Variants in RALGAPA1 observed in about 807,000 individuals in gnomAD.
The protein encoded by RALGAPA1 is ral GTPase-activating protein subunit alpha-1.
In RALGAPA1, 52 loss-of-function variants were observed where a neutral mutation model predicts 269.6. The observed-to-expected ratio is 0.19, with a 90% CI of 0.15 to 0.24. The LOEUF (loss-of-function observed/expected upper bound fraction) is 0.24. RALGAPA1 is among the 10% of genes least tolerant of loss of function. The pLI is 1.00. For missense variants in RALGAPA1, 1,917 were observed against 3,013.9 expected (o/e 0.64, Z 8.52); for synonymous variants, 817 against 1,008.3 (o/e 0.81, Z 3.60).
chr14:35,623,829 C>T (rs1279019255), intron 35 of RALGAPA1, among the ~76,000 whole-genome samples: 1 of 152,148 alleles, frequency 6.6e-6, no homozygotes, highest in Admixed American at 6.5e-5. Context: ...CCTGTAATCC[C>T]AGCACTTTGG....
intron 1 of RALGAPA1, among the ~76,000 whole-genome samples, chr14:35,784,598 T>C (rs1227367725): frequency 1.3e-5 from 2 of 152,172 alleles, no homozygotes; most frequent in African/African-American, 4.8e-5. Context: ...AGACCCTACC[T>C]GGCTAACTGA....
At chr14:35,616,774 A>C (rs570777758) in intron 35 of RALGAPA1, among the ~76,000 whole-genome samples, 1 of 152,234 alleles carries the variant, frequency 6.6e-6, no homozygotes, top group South Asian at 2.1e-4. Flanking sequence ...AAAGAACTTT[A>C]GACTTGATGG....
At chr14:35,749,302 A>G (rs2072452272) in intron 9 of RALGAPA1, among the ~76,000 whole-genome samples, 1 of 152,240 alleles carries the variant, frequency 6.6e-6, no homozygotes, top group Non-Finnish European at 1.5e-5. Flanking sequence ...ACAAAGGAAC[A>G]AAATTTATGA....
intron 36 of RALGAPA1, among the ~76,000 whole-genome samples, chr14:35,599,052 A>G (rs1258501223): frequency 6.6e-6 from 1 of 152,098 alleles, no homozygotes; most frequent in African/African-American, 2.4e-5. Flanking sequence ...ATCACAGCCT[A>G]CTAGTGTTGT....
At chr14:35,776,150 G>A (rs1024797096) in intron 1 of RALGAPA1, among the ~76,000 whole-genome samples, 1 of 152,186 alleles carries the variant, frequency 6.6e-6, no homozygotes, top group Non-Finnish European at 1.5e-5. Context: ...GGGAGGCCAA[G>A]GTGGGCAGAT....
chr14:35,553,149 GAC>G (rs1374360708), intron 39 of RALGAPA1, among the ~76,000 whole-genome samples: 3 of 152,294 alleles, frequency 2.0e-5, no homozygotes, highest in Admixed American at 2.0e-4. Flanking sequence ...AAAGTGCCCT[GAC>G]ACCTGTCCTG....
At chr14:35,803,810 G>A (rs368028199) in intron 1 of RALGAPA1, among the ~76,000 whole-genome samples, 17 of 151,798 alleles carry the variant, frequency 1.1e-4, no homozygotes, top group African/African-American at 3.9e-4. Context: ...TTTTAGTAGA[G>A]ATGGGGTTTC....
chr14:35,775,681 C>A lies in RALGAPA1; in HGVS notation c.171G>T (p.Val57=), dbSNP rs1184401293. 2 of 1,582,876 alleles carry A rather than the reference C, an allele frequency of 1.3e-6. No individual in the cohort carries two copies. The highest frequency in any genetic ancestry group is 2.8e-5 in the African/African-American group (2 of 72,460). The stretch of plus-strand genomic sequence containing the variant: ...CAATAGTCACAAAATTTTCAAAGAA[C>A]ACATAGTATATATGTGAAAAATGTT... ...FDQHFSHIYY[V]FFENFVTIEA... Residue 57 remains valine (V), a synonymous_variant, in exon 2 of 42, where the codon GTG becomes GTT. Coordinates refer to ENST00000680220, the MANE Select transcript of RALGAPA1 (RefSeq NM_001346249.2).
At chr14:35,696,421 A>G (rs2066905648) in intron 17 of RALGAPA1, among the ~76,000 whole-genome samples, 1 of 152,116 alleles carries the variant, frequency 6.6e-6, no homozygotes, top group Non-Finnish European at 1.5e-5. Context: ...CTCTTCAAGA[A>G]TACTCAACTA....
intron 31 of RALGAPA1, among the ~76,000 whole-genome samples, chr14:35,639,807 CG>C (rs2061895765): frequency 6.6e-6 from 1 of 151,776 alleles, no homozygotes; most frequent in Non-Finnish European, 1.5e-5. Context: ...GGCGTGGTGG[CG>C]GGCACCTGTA....
chr14:35,698,791 A>G (rs1011840100), intron 17 of RALGAPA1, among the ~76,000 whole-genome samples: 11 of 152,148 alleles, frequency 7.2e-5, no homozygotes, highest in Non-Finnish European at 1.5e-4. Flanking sequence ...ACTTAAGTAG[A>G]TTATAATTTG....
intron 17 of RALGAPA1, among the ~76,000 whole-genome samples, chr14:35,690,239 A>C (rs1037914075): frequency 1.3e-5 from 2 of 152,194 alleles, no homozygotes; most frequent in South Asian, 4.1e-4. Flanking sequence ...AAATGTTAAC[A>C]TGCATAGAAA....
At chr14:35,742,785 C>G (rs1489400275) in intron 10 of RALGAPA1, among the ~76,000 whole-genome samples, 1 of 148,366 alleles carries the variant, frequency 6.7e-6, no homozygotes, top group Non-Finnish European at 1.5e-5. Flanking sequence ...AAAAAATCAC[C>G]AAACTTCTAA....
intron 1 of RALGAPA1, among the ~76,000 whole-genome samples, chr14:35,790,743 A>G (rs1046994759): frequency 2.0e-5 from 3 of 151,934 alleles, no homozygotes; most frequent in Admixed American, 2.0e-4. Context: ...TGTTCAGCAG[A>G]GAAATTCAAG....
At chr14:35,694,341 A>G (rs1402847005) in intron 17 of RALGAPA1, among the ~76,000 whole-genome samples, 1 of 152,128 alleles carries the variant, frequency 6.6e-6, no homozygotes, top group Non-Finnish European at 1.5e-5. Flanking sequence ...AATTGATGCC[A>G]TTTTGAAACT....
intron 33 of RALGAPA1, 36 bp from the exon 34 acceptor site, chr14:35,627,987 C>A: frequency 6.6e-7 from 1 of 1,525,516 alleles, no homozygotes; most frequent in Non-Finnish European, 8.8e-7. Context: ...GGGAATATTG[C>A]TGCTTCCTAG....
intron 33 of RALGAPA1, among the ~76,000 whole-genome samples, chr14:35,630,737 A>C (rs1365107966): frequency 6.6e-6 from 1 of 152,178 alleles, no homozygotes; most frequent in Non-Finnish European, 1.5e-5. Context: ...TCTACCAAAA[A>C]ATACAAAAAT....
At chr14:35,732,957 A>G (rs1312356091) in intron 12 of RALGAPA1, among the ~76,000 whole-genome samples, 2 of 152,230 alleles carry the variant, frequency 1.3e-5, no homozygotes, top group Non-Finnish European at 2.9e-5. Context: ...ATTCTATTCA[A>G]CAGTGCATGG....
At position 35,636,449 on chromosome 14, in the gene RALGAPA1, C is replaced by T. The variant is rs533750544; in HGVS notation, c.5677-851G>A. Among the ~76,000 whole-genome samples, 4 of 152,224 alleles carry T rather than the reference C, an allele frequency of 2.6e-5. No individual in the cohort carries two copies. The East Asian group carries it at 5.8e-4, about 22-fold the overall frequency. On this transcript the variant is annotated intron_variant, in intron 31 of 41. Coordinates refer to ENST00000680220, the MANE Select transcript of RALGAPA1 (RefSeq NM_001346249.2). The stretch of plus-strand genomic sequence containing the variant: ...TAAAATAAGGAACAATAAGAAGGCC[C>T]AATAAAACCTCACAAAACAACAGCT...
Sources: gnomAD v4.1 joint callset for allele counts (sites outside exome capture counted in the v4.1 genomes callset) on GRCh38, gnomAD v4.1.1 for gene constraint, MANE v1.5 for transcripts, NCBI Gene and HGNC (gene_info 2026-07-23, HGNC 2026-07-21) for gene names.